ITGBL1: variants seen among roughly 807,000 people sequenced by gnomAD.
The protein encoded by ITGBL1 is integrin subunit beta like 1, also known as integrin beta-like protein 1.
ITGBL1 carries 51 observed loss-of-function variants against 68.5 expected under a neutral mutation model. The observed-to-expected ratio is 0.74, with a 90% confidence interval of 0.59 to 0.94. ITGBL1 has a LOEUF of 0.94. ITGBL1 is among the 40% of genes least tolerant of loss of function. The pLI, the probability that ITGBL1 is intolerant of heterozygous loss-of-function variation, is 0.00. For missense variants in ITGBL1, 649 were observed against 647.4 expected (o/e 1.00, Z -0.03); for synonymous variants, 209 against 227.3 (o/e 0.92, Z 0.72).
intron 5 of ITGBL1, among the ~76,000 whole-genome samples, chr13:101,582,061 C>CT (rs2139286890): frequency 6.6e-6 from 1 of 152,312 alleles, no homozygotes; most frequent in Admixed American, 6.5e-5. Flanking sequence ...TCATCTTTAT[C>CT]TGTCATTATT....
chr13:101,581,275 G>A (rs972657592), intron 5 of ITGBL1, among the ~76,000 whole-genome samples: 1 of 152,092 alleles, frequency 6.6e-6, no homozygotes, highest in Non-Finnish European at 1.5e-5. Context: ...CATCTGCATA[G>A]CTCCTAGTCC....
chr13:101,601,612 T>C (rs1469354711), intron 7 of ITGBL1, among the ~76,000 whole-genome samples: 4 of 152,238 alleles, frequency 2.6e-5, no homozygotes, highest in Non-Finnish European at 4.4e-5. Flanking sequence ...TTTGAATGTG[T>C]CCCAGAGATT....
At chr13:101,638,699 G>A (rs2032258947) in intron 7 of ITGBL1, among the ~76,000 whole-genome samples, 1 of 152,074 alleles carries the variant, frequency 6.6e-6, no homozygotes, top group South Asian at 2.1e-4. Context: ...CAATATGGGG[G>A]AAACCACCCC....
intron 5 of ITGBL1, among the ~76,000 whole-genome samples, chr13:101,581,874 C>T (rs113491256): frequency 6.6e-6 from 1 of 152,130 alleles, no homozygotes; most frequent in East Asian, 1.9e-4. Flanking sequence ...TGTACCATTT[C>T]GTACTCCCCT....
intron 2 of ITGBL1, among the ~76,000 whole-genome samples, chr13:101,545,830 G>C (rs2049812152): frequency 6.6e-6 from 1 of 152,162 alleles, no homozygotes; most frequent in Non-Finnish European, 1.5e-5. Flanking sequence ...GCCTCTGACT[G>C]TTGTATGTTC....
chr13:101,605,906 ATATG>A (rs2030800706), intron 7 of ITGBL1, among the ~76,000 whole-genome samples: 1 of 140,874 alleles, frequency 7.1e-6, no homozygotes, highest in African/African-American at 2.5e-5. Context: ...GTGCATGTGT[ATATG>A]TACACATATA....
chr13:101,530,250 TATAG>T lies in ITGBL1; in HGVS notation c.317-37447_317-37444del, dbSNP rs576497316. Among the ~76,000 whole-genome samples the T allele has an allele frequency of 7.9e-5, 12 of 152,026 alleles. No homozygotes were observed. In the South Asian group the frequency reaches 2.5e-3, roughly 32 times the overall value. ...GGGAAAAGTATGAAATGTAATTATA[TATAG>T]AGAGAGAGAGAGCGCGAGGGGAGAG... On this transcript the variant is annotated intron_variant, in intron 2 of 10. Transcript: ENST00000376180.
At chr13:101,549,580 CAAG>C in intron 2 of ITGBL1, among the ~76,000 whole-genome samples, 1 of 151,910 alleles carries the variant, frequency 6.6e-6, no homozygotes, top group African/African-American at 2.4e-5. Flanking sequence ...TGAAAATGTT[CAAG>C]ACTCAGTAGA....
At chr13:101,676,164 G>A (rs2033497353) in intron 7 of ITGBL1, among the ~76,000 whole-genome samples, 1 of 151,660 alleles carries the variant, frequency 6.6e-6, no homozygotes, top group African/African-American at 2.4e-5. Context: ...TTTATTTTTA[G>A]TGAATCTGTC....
intron 7 of ITGBL1, among the ~76,000 whole-genome samples, chr13:101,598,885 G>T (rs181662172): frequency 6.6e-6 from 1 of 152,002 alleles, no homozygotes; most frequent in Non-Finnish European, 1.5e-5. Context: ...GAATAGTGCC[G>T]CAATAAACAT....
chr13:101,465,834 A>T (rs1366903640), intron 2 of ITGBL1, among the ~76,000 whole-genome samples: 3 of 152,234 alleles, frequency 2.0e-5, no homozygotes, highest in African/African-American at 7.2e-5. Context: ...AATAAATGAG[A>T]TTCAGCTTAT....
intron 3 of ITGBL1, among the ~76,000 whole-genome samples, chr13:101,568,356 T>C (rs1028384840): frequency 6.7e-6 from 1 of 150,322 alleles, no homozygotes; most frequent in African/African-American, 2.5e-5. Flanking sequence ...TTTGAAAATA[T>C]TTTTTACAAA....
chr13:101,706,978 C>A, intron 9 of ITGBL1, 76 bp downstream of exon 9: 2 of 1,465,414 alleles, frequency 1.4e-6, no homozygotes, highest in Non-Finnish European at 1.9e-6. Flanking sequence ...TAGCAACTGT[C>A]TTTCCCAGAC....
At chr13:101,493,442 G>A (rs1182111899) in intron 2 of ITGBL1, among the ~76,000 whole-genome samples, 2 of 151,998 alleles carry the variant, frequency 1.3e-5, no homozygotes, top group Non-Finnish European at 2.9e-5. Context: ...TGTGTTTTGT[G>A]GGGCTTTGAT....
At chr13:101,641,485 TG>T (rs1468463183) in intron 7 of ITGBL1, among the ~76,000 whole-genome samples, 5 of 151,824 alleles carry the variant, frequency 3.3e-5, no homozygotes, top group Non-Finnish European at 7.4e-5. Context: ...AATTTTGGGG[TG>T]TACTCCTTCA....
chr13:101,637,808 A>G (rs139822541), intron 7 of ITGBL1, among the ~76,000 whole-genome samples: 8 of 152,284 alleles, frequency 5.3e-5, no homozygotes, highest in African/African-American at 1.9e-4. Flanking sequence ...ACACTTTCAC[A>G]TTGTCCAGCA....
chr13:101,520,685 T>C (rs558119481), intron 2 of ITGBL1, among the ~76,000 whole-genome samples: 1 of 152,290 alleles, frequency 6.6e-6, no homozygotes, highest in African/African-American at 2.4e-5. Flanking sequence ...GCTGCCTCGC[T>C]GGAACCAAGG....
chr13:101,456,051 T>TC (rs1254200922), intron 2 of ITGBL1, among the ~76,000 whole-genome samples: 2 of 152,134 alleles, frequency 1.3e-5, no homozygotes, highest in African/African-American at 2.4e-5. Context: ...CATTCCTTTT[T>TC]CCCTCCCATA....
At chr13:101,609,067 T>A (rs1268589336) in intron 7 of ITGBL1, among the ~76,000 whole-genome samples, 1 of 152,004 alleles carries the variant, frequency 6.6e-6, no homozygotes, top group African/African-American at 2.4e-5. Context: ...CTATTATGGG[T>A]TGTATATGCT....
Sources: allele counts gnomAD v4.1 joint callset (sites outside exome capture counted in the v4.1 genomes callset), GRCh38; gene constraint gnomAD v4.1.1; transcripts MANE v1.5; gene names NCBI Gene and HGNC (gene_info 2026-07-23, HGNC 2026-07-21).